CCDC169: variants seen among roughly 807,000 people sequenced by gnomAD.
CCDC169 encodes the protein coiled-coil domain-containing protein 169.
Under a neutral mutation model 36.0 loss-of-function variants are expected in CCDC169, and 30 were observed. The observed-to-expected ratio is 0.83, with a 90% CI of 0.62 to 1.13. The LOEUF is 1.13. Among genes scored for constraint, CCDC169 ranks in the 50% most tolerant of loss-of-function variants. The pLI is 0.00. For missense variants in CCDC169, 245 were observed against 245.9 expected (o/e 1.00, Z 0.03); for synonymous variants, 85 against 81.5 (o/e 1.04, Z -0.23).
intron 6 of CCDC169, among the ~76,000 whole-genome samples, chr13:36,249,027 A>C (rs1341521875): frequency 6.6e-6 from 1 of 152,234 alleles, no homozygotes; most frequent in Non-Finnish European, 1.5e-5. Flanking sequence ...TAGATAAGAC[A>C]ATAGAAGCTG....
At chr13:36,281,219 T>C (rs1877490535) in intron 4 of CCDC169, 1 of 441,706 alleles carries the variant, frequency 2.3e-6, no homozygotes, top group Non-Finnish European at 4.5e-6. Flanking sequence ...GAAGGCATTA[T>C]ACAGCCACTG....
At chr13:36,272,851 T>C (rs1348355519) in intron 4 of CCDC169, among the ~76,000 whole-genome samples, 2 of 152,148 alleles carry the variant, frequency 1.3e-5, no homozygotes, top group African/African-American at 2.4e-5. Context: ...TGAAGGAGAG[T>C]ATCCCAGCTG....
At chr13:36,287,283 T>TA (rs751379457) in intron 2 of CCDC169, among the ~76,000 whole-genome samples, 397 of 151,904 alleles carry the variant, frequency 2.6e-3, no homozygotes, top group Non-Finnish European at 3.4e-3. Flanking sequence ...AAACTGAAAA[T>TA]AAAAAATAAC....
chr13:36,275,009 C>T (rs1280086363), intron 4 of CCDC169, among the ~76,000 whole-genome samples: 1 of 151,954 alleles, frequency 6.6e-6, no homozygotes, highest in Non-Finnish European at 1.5e-5. Flanking sequence ...GCTGGGACTA[C>T]AGGCGCCCAC....
At chr13:36,269,503 A>G (rs1875764973) in intron 4 of CCDC169, among the ~76,000 whole-genome samples, 1 of 152,234 alleles carries the variant, frequency 6.6e-6, no homozygotes, top group South Asian at 2.1e-4. Flanking sequence ...TCCCTGATGA[A>G]CATAGAGGCA....
chr13:36,285,592 T>TAGATAGAA (rs1878104950), intron 2 of CCDC169, among the ~76,000 whole-genome samples: 1 of 139,340 alleles, frequency 7.2e-6, no homozygotes, highest in African/African-American at 2.6e-5. Flanking sequence ...ATAAGATAGA[T>TAGATAGAA]AGATAGATAG....
intron 7 of CCDC169, among the ~76,000 whole-genome samples, chr13:36,237,450 G>T (rs903117248): frequency 6.6e-5 from 10 of 152,064 alleles, no homozygotes; most frequent in African/African-American, 2.4e-4. Context: ...ATGCACCAAA[G>T]AGAATTAAAA....
intron 4 of CCDC169, among the ~76,000 whole-genome samples, chr13:36,255,947 G>A (rs758970501): frequency 6.6e-4 from 100 of 152,272 alleles, no homozygotes; most frequent in Non-Finnish European, 1.1e-3. Flanking sequence ...GATGCAGGGC[G>A]CTCAGCACGG....
intron 7 of CCDC169, among the ~76,000 whole-genome samples, chr13:36,238,619 T>C (rs1871362549): frequency 6.6e-6 from 1 of 152,206 alleles, no homozygotes; most frequent in Non-Finnish European, 1.5e-5. Flanking sequence ...ATTATAGATA[T>C]TTATTATTTA....
intron 7 of CCDC169, among the ~76,000 whole-genome samples, chr13:36,236,630 T>G (rs1208300914): frequency 1.3e-5 from 2 of 151,988 alleles, no homozygotes. Flanking sequence ...TTATCAAAAT[T>G]GAGAACTTTT....
chr13:36,225,033 A>C (rs531522084), downstream of CCDC169: 1 of 152,312 alleles, frequency 6.6e-6, no homozygotes, highest in Admixed American at 6.5e-5. Flanking sequence ...AAAAATAGGC[A>C]ATAAGGAAAG....
chr13:36,286,493 T>C (rs1878269514), intron 2 of CCDC169, among the ~76,000 whole-genome samples: 1 of 152,152 alleles, frequency 6.6e-6, no homozygotes, highest in Non-Finnish European at 1.5e-5. Context: ...GGGGGAGCCA[T>C]TTGAAACTGA....
intron 4 of CCDC169, among the ~76,000 whole-genome samples, chr13:36,255,648 G>A (rs1873769491): frequency 7.4e-6 from 1 of 134,780 alleles, no homozygotes; most frequent in Non-Finnish European, 1.6e-5. Context: ...GAGTGACAGA[G>A]CAAGGCTCCA....
intron 7 of CCDC169, among the ~76,000 whole-genome samples, chr13:36,241,808 T>A (rs9546844): frequency 6.6e-6 from 1 of 151,958 alleles, no homozygotes; most frequent in Non-Finnish European, 1.5e-5. Flanking sequence ...ATGTATTTGA[T>A]ATGGTTTGGC....
In CCDC169 at chr13:36,272,864, T is replaced by C. The variant is rs142425176; in HGVS notation, c.315+10605A>G. On this transcript the variant is annotated intron_variant, in intron 4 of 7. Coordinates refer to ENST00000239859, the MANE Select transcript of CCDC169 (RefSeq NM_001144981.3). ...ACTGAAGGAGAGTATCCCAGCTGCG[T>C]GGGATGGCAGAGGGGTCCCAGTGAC... 7.1e-4 allele frequency among the ~76,000 whole-genome samples: 108 copies of C among 152,304 alleles called. 1 individual carries two copies. The East Asian group carries it at 0.019, about 26-fold the overall frequency.
intron 4 of CCDC169, chr13:36,274,347 G>A (rs145778069): frequency 1.2e-3 from 176 of 152,108 alleles, no homozygotes; most frequent in African/African-American, 4.1e-3. Context: ...TAACTTTAAG[G>A]TTCCCTCTTA....
downstream of CCDC169, chr13:36,222,773 G>A (rs971422763): frequency 3.3e-5 from 5 of 152,178 alleles, no homozygotes; most frequent in East Asian, 1.9e-4. Context: ...AATGAAACCC[G>A]AAACCAGGAG....
chr13:36,258,503 G>A (rs1344781514), intron 4 of CCDC169, among the ~76,000 whole-genome samples: 1 of 152,162 alleles, frequency 6.6e-6, no homozygotes, highest in African/African-American at 2.4e-5. Flanking sequence ...GGCAACAAAA[G>A]TAACCTCTGG....
At chr13:36,270,558 G>T (rs1875909600) in intron 4 of CCDC169, among the ~76,000 whole-genome samples, 1 of 152,094 alleles carries the variant, frequency 6.6e-6, no homozygotes, top group African/African-American at 2.4e-5. Context: ...GCATGGTACT[G>T]GTATAAAAAA....
Sources: allele counts gnomAD v4.1 joint callset (sites outside exome capture counted in the v4.1 genomes callset), GRCh38; gene constraint gnomAD v4.1.1; transcripts MANE v1.5; gene names NCBI Gene and HGNC (gene_info 2026-07-23, HGNC 2026-07-21).